Variants in RSPRY1 observed in about 807,000 individuals in gnomAD.
The protein encoded by RSPRY1 is RING finger and SPRY domain-containing protein 1.
A neutral mutation model predicts 73.1 loss-of-function variants in RSPRY1; 23 were observed. That is an observed-to-expected ratio of 0.31 (90% CI 0.23 to 0.45). The LOEUF (loss-of-function observed/expected upper bound fraction) is 0.45. Ranked by LOEUF, RSPRY1 falls within the 20% of genes least tolerant of loss-of-function variation. The pLI is 1.00. For synonymous variants in RSPRY1, 226 were observed against 251.4 expected (o/e 0.90, Z 0.95); for missense variants, 448 against 698.7 (o/e 0.64, Z 4.05).
chr16:57,235,567 T>A (rs1020106174), intron 14 of RSPRY1, among the ~76,000 whole-genome samples: 2 of 152,248 alleles, frequency 1.3e-5, no homozygotes, highest in East Asian at 3.8e-4. Context: ...AGCCTCCATG[T>A]CATCTTACTA....
chr16:57,226,885 T>C (rs2075129179), intron 10 of RSPRY1, among the ~76,000 whole-genome samples: 1 of 152,168 alleles, frequency 6.6e-6, no homozygotes. Flanking sequence ...GTCTCTCTGG[T>C]TTGAATGCCT....
rs767569426 is a variant in RSPRY1, at chr16:57,220,820, C to T, written c.990C>T (p.Tyr330=). 6.2e-7 allele frequency: 1 copy of T among 1,613,134 alleles called. No homozygotes were observed. Among genetic ancestry groups the T allele is most frequent in the South Asian group, 1.1e-5 (1 of 91,068 alleles). ...AMLNSNDVSE[Y]LKISPHGLEA... ...TGAATAGCAATGATGTCAGCGAGTA[C>T]CTGAAGATCTCACCTCATGGCTTAG... Residue 330 remains tyrosine, a synonymous_variant, in exon 9 of 15, where the codon TAC becomes TAT. Transcript: ENST00000394420.
At chr16:57,208,186 G>A (rs1597883788) in intron 3 of RSPRY1, 76 bp downstream of exon 3, 2 of 822,982 alleles carry the variant, frequency 2.4e-6, no homozygotes, top group South Asian at 1.7e-5. Context: ...TTTGTTTTTT[G>A]TTTTGTTTTG....
At chr16:57,207,172 T>C (rs2074742208) in intron 2 of RSPRY1, among the ~76,000 whole-genome samples, 1 of 152,216 alleles carries the variant, frequency 6.6e-6, no homozygotes, top group South Asian at 2.1e-4. Context: ...TTAATTTTAT[T>C]ATTGCCAGAT....
chr16:57,196,034 A>AAAATAT (rs1555499007), intron 1 of RSPRY1, among the ~76,000 whole-genome samples: 63 of 122,794 alleles, frequency 5.1e-4, no homozygotes, highest in African/African-American at 1.8e-3. Flanking sequence ...AAAAAAAAAA[A>AAAATAT]ATATATATAT....
chr16:57,210,440 C>A (rs1173669083), intron 4 of RSPRY1, among the ~76,000 whole-genome samples: 2 of 152,084 alleles, frequency 1.3e-5, no homozygotes, highest in African/African-American at 4.8e-5. Context: ...CGGTGGTTCA[C>A]GCCTGTAATC....
rs781405457 is a variant in RSPRY1, at chr16:57,204,665, G to A, written c.7G>A (p.Val3Ile). The A allele has an allele frequency of 1.5e-5, 24 of 1,613,178 alleles. No homozygotes were observed. Among genetic ancestry groups the A allele is most frequent in the South Asian group, 2.2e-5 (2 of 91,072 alleles). Reference protein sequence around the residue: MIVFGWAVFLASR... With the variant: MIIFGWAVFLASR... ...AAAACTGAAAACTACCTAAATGATC[G>A]TCTTTGGTTGGGCCGTGTTCTTAGC... Residue 3 changes from valine (V) to isoleucine (I), a missense_variant, in exon 2 of 15, where the codon GTC becomes ATC. By Grantham distance (29) the Val-to-Ile change is conservative. Transcript: ENST00000394420.
chr16:57,186,203 G>C (rs1163282694), upstream of RSPRY1: 1 of 983,552 alleles, frequency 1.0e-6, no homozygotes. Flanking sequence ...GGGCGGGCCG[G>C]TCCCGCTGAT....
chr16:57,199,475 G>C (rs1248971942), intron 1 of RSPRY1, among the ~76,000 whole-genome samples: 1 of 152,140 alleles, frequency 6.6e-6, no homozygotes, highest in Non-Finnish European at 1.5e-5. Flanking sequence ...CTGGGTGACA[G>C]AGTGAGACTC....
chr16:57,189,318 T>C (rs971703962), intron 1 of RSPRY1, among the ~76,000 whole-genome samples: 3 of 152,082 alleles, frequency 2.0e-5, no homozygotes, highest in African/African-American at 7.2e-5. Flanking sequence ...TTTCAAGTTA[T>C]TGATTATAGG....
At chr16:57,216,074 T>TC in intron 6 of RSPRY1, 33 bp from the exon 7 acceptor site, 1 of 1,533,968 alleles carries the variant, frequency 6.5e-7, no homozygotes, top group Non-Finnish European at 8.9e-7. Context: ...GAATGATTTT[T>TC]TTTTTTTTTT....
chr16:57,204,368 A>G lies in RSPRY1; in HGVS notation c.-155-136A>G, dbSNP rs1303170435. ...CTGTTATCCAAAGCTATCTCTTTGTATTGGAAACCTATAAAAATAACCAAA... is the reference window on the plus strand; with the variant it reads ...CTGTTATCCAAAGCTATCTCTTTGTGTTGGAAACCTATAAAAATAACCAAA... On this transcript the variant is annotated intron_variant, in intron 1 of 14. Coordinates refer to ENST00000394420, the MANE Select transcript of RSPRY1 (RefSeq NM_133368.3). 15 of 318,086 alleles carry G rather than the reference A, an allele frequency of 4.7e-5. No homozygotes were observed. The South Asian group carries it at 5.6e-4, about 12-fold the overall frequency. 19.7% of individuals were successfully genotyped at this position (318,086 alleles called of 1,614,324 possible).
intron 14 of RSPRY1, among the ~76,000 whole-genome samples, chr16:57,236,056 G>T (rs1370246129): frequency 6.6e-6 from 1 of 152,224 alleles, no homozygotes; most frequent in East Asian, 1.9e-4. Flanking sequence ...GAAAGGCACA[G>T]TGATTCCAGC....
intron 1 of RSPRY1, among the ~76,000 whole-genome samples, chr16:57,189,076 C>G (rs2074304058): frequency 6.6e-6 from 1 of 151,338 alleles, no homozygotes; most frequent in South Asian, 2.1e-4. Flanking sequence ...TCACTGCAAC[C>G]TCTGCCTCCC....
At chr16:57,218,730 T>G (rs1158970514) in intron 8 of RSPRY1, among the ~76,000 whole-genome samples, 6 of 98,862 alleles carry the variant, frequency 6.1e-5, no homozygotes, top group East Asian at 3.6e-4. Flanking sequence ...CTTTTTTTTT[T>G]TTTTTTTTTT....
At chr16:57,199,917 T>C (rs1367737267) in intron 1 of RSPRY1, among the ~76,000 whole-genome samples, 4 of 149,722 alleles carry the variant, frequency 2.7e-5, no homozygotes, top group Non-Finnish European at 5.9e-5. Context: ...CTTTTTCTTT[T>C]TTTTTTTTTT....
chr16:57,237,735 G>A (rs146265370), intron 14 of RSPRY1, among the ~76,000 whole-genome samples: 2,040 of 150,588 alleles, frequency 0.014, 95 homozygotes, highest in Admixed American at 0.099. Flanking sequence ...TTTTTGAGAC[G>A]GAGTCTCGCT....
intron 1 of RSPRY1, chr16:57,187,176 C>T (rs753448527): frequency 2.6e-5 from 4 of 152,208 alleles, no homozygotes; most frequent in Non-Finnish European, 4.4e-5. Flanking sequence ...TGTAGATCGA[C>T]CAGGTGTCCC....
In RSPRY1 at chr16:57,205,026, G is replaced by A. The variant is rs778992079; in HGVS notation, c.350+18G>A. ...GTAGATAAGTAAGTATCTGACTCAC[G>A]GTCACCTCCAGTGGAATGAAAAGTG... On this transcript the variant is annotated intron_variant, in intron 2 of 14. Transcript: ENST00000394420. 8.9e-6 allele frequency: 14 copies of A among 1,577,496 alleles called. No individual in the cohort carries two copies. The highest frequency in any genetic ancestry group is 5.4e-5 in the African/African-American group (4 of 74,174).
Sources: gnomAD v4.1 joint callset for allele counts (sites outside exome capture counted in the v4.1 genomes callset) on GRCh38, gnomAD v4.1.1 for gene constraint, MANE v1.5 for transcripts, NCBI Gene and HGNC (gene_info 2026-07-23, HGNC 2026-07-21) for gene names.